RIT2: variants seen among roughly 807,000 people sequenced by gnomAD.
The protein encoded by RIT2 is GTP-binding protein Rit2.
RIT2 carries 24 observed loss-of-function variants against 23.7 expected under a neutral mutation model. The observed-to-expected ratio is 1.01, with a 90% CI of 0.73 to 1.43. The LOEUF is 1.43. RIT2 is among the 40% of genes most tolerant of loss of function. RIT2 has a pLI of 0.00. For missense variants in RIT2, 236 were observed against 266.9 expected, an observed-to-expected ratio of 0.88 and a Z score of 0.81; for synonymous variants, 107 against 91.1, an observed-to-expected ratio of 1.17 and a Z score of -0.99.
chr18:42,973,956 T>C (rs1910420594), intron 3 of RIT2, 118 bp downstream of exon 3: 2 of 625,338 alleles, frequency 3.2e-6, no homozygotes, highest in Non-Finnish European at 5.6e-6. Flanking sequence ...CTGATTGTTA[T>C]CACAAATTTG....
chr18:42,883,228 C>G (rs1412851308), intron 4 of RIT2, among the ~76,000 whole-genome samples: 1 of 151,980 alleles, frequency 6.6e-6, no homozygotes, highest in African/African-American at 2.4e-5. Flanking sequence ...AAATGCTGCA[C>G]AAAACACTAC....
At chr18:43,048,077 T>C (rs1000631574) in intron 1 of RIT2, among the ~76,000 whole-genome samples, 1 of 152,176 alleles carries the variant, frequency 6.6e-6, no homozygotes, top group Admixed American at 6.5e-5. Context: ...AAAGAAGGTA[T>C]ACTGTCACAA....
intron 4 of RIT2, among the ~76,000 whole-genome samples, chr18:42,764,922 A>G (rs1450608815): frequency 2.0e-5 from 3 of 152,242 alleles, no homozygotes; most frequent in African/African-American, 7.2e-5. Flanking sequence ...CTGATTTGAC[A>G]CATTTGAGAG....
intron 1 of RIT2, among the ~76,000 whole-genome samples, chr18:43,051,502 G>A (rs1912383866): frequency 6.6e-6 from 1 of 152,126 alleles, no homozygotes; most frequent in East Asian, 1.9e-4. Context: ...ATCCAGGAGA[G>A]GTTCACTTTT....
intron 2 of RIT2, among the ~76,000 whole-genome samples, chr18:43,015,307 G>A (rs567097160): frequency 1.3e-5 from 2 of 151,786 alleles, no homozygotes; most frequent in East Asian, 3.9e-4. Flanking sequence ...CAGTTTCAGA[G>A]CTTGAACTAC....
intron 4 of RIT2, among the ~76,000 whole-genome samples, chr18:42,813,179 A>G (rs1905900078): frequency 6.6e-6 from 1 of 152,224 alleles, no homozygotes; most frequent in Admixed American, 6.5e-5. Flanking sequence ...AGTTTTTACT[A>G]AAGTTTATTT....
At chr18:42,975,302 T>A (rs576798919) in intron 2 of RIT2, among the ~76,000 whole-genome samples, 73 of 152,262 alleles carry the variant, frequency 4.8e-4, no homozygotes, top group South Asian at 1.0e-3. Context: ...TTTTTAGTTC[T>A]ATTTATACAA....
intron 4 of RIT2, among the ~76,000 whole-genome samples, chr18:42,815,637 G>T (rs1437025761): frequency 6.6e-6 from 1 of 152,156 alleles, no homozygotes; most frequent in Non-Finnish European, 1.5e-5. Flanking sequence ...GGAGAAGAAT[G>T]AAACAAAGTA....
intron 4 of RIT2, among the ~76,000 whole-genome samples, chr18:42,902,590 T>C (rs1373945515): frequency 1.2e-5 from 1 of 86,932 alleles, no homozygotes; most frequent in East Asian, 3.5e-4. Context: ...TAAATAATAA[T>C]TTATTGGAAG....
At chr18:42,988,759 G>A (rs1057288787) in intron 2 of RIT2, among the ~76,000 whole-genome samples, 3 of 152,186 alleles carry the variant, frequency 2.0e-5, no homozygotes, top group Admixed American at 2.0e-4. Flanking sequence ...GGAATGATCA[G>A]CAGGAATGAT....
At chr18:43,087,328 T>A (rs1282429097) in intron 1 of RIT2, among the ~76,000 whole-genome samples, 1 of 152,094 alleles carries the variant, frequency 6.6e-6, no homozygotes, top group Non-Finnish European at 1.5e-5. Context: ...ATCTTAAAAA[T>A]AACCATAATA....
intron 4 of RIT2, among the ~76,000 whole-genome samples, chr18:42,859,626 CA>C (rs1244308100): frequency 6.6e-6 from 1 of 151,984 alleles, no homozygotes; most frequent in Non-Finnish European, 1.5e-5. Flanking sequence ...TCTGTGAGTT[CA>C]TTGCTTAATC....
intron 2 of RIT2, among the ~76,000 whole-genome samples, chr18:42,979,913 AT>A (rs1464393651): frequency 7.2e-5 from 11 of 152,144 alleles, no homozygotes; most frequent in Admixed American, 7.2e-4. Flanking sequence ...AAGGGTGCTT[AT>A]TTAGGGAGAT....
At chr18:42,987,635 C>A (rs1442042647) in intron 2 of RIT2, among the ~76,000 whole-genome samples, 1 of 152,074 alleles carries the variant, frequency 6.6e-6, no homozygotes. Context: ...TCATACCATC[C>A]CTAAATTAGA....
intron 4 of RIT2, among the ~76,000 whole-genome samples, chr18:42,820,274 T>C (rs1477911344): frequency 6.6e-6 from 1 of 151,960 alleles, no homozygotes; most frequent in Non-Finnish European, 1.5e-5. Flanking sequence ...CATCAGAAAC[T>C]ATTCTTGGAG....
chr18:42,867,516 G>GC (rs1907504882), intron 4 of RIT2, among the ~76,000 whole-genome samples: 1 of 151,988 alleles, frequency 6.6e-6, no homozygotes, highest in Non-Finnish European at 1.5e-5. Context: ...CTATTGGAAG[G>GC]GCATAGAGGC....
intron 4 of RIT2, among the ~76,000 whole-genome samples, chr18:42,886,231 AG>A (rs1908019179): frequency 6.6e-6 from 1 of 152,234 alleles, no homozygotes; most frequent in Non-Finnish European, 1.5e-5. Flanking sequence ...TCCTATCAAA[AG>A]CATCATAAAA....
intron 3 of RIT2, among the ~76,000 whole-genome samples, chr18:42,927,153 C>A (rs1240383057): frequency 6.6e-6 from 1 of 151,880 alleles, no homozygotes; most frequent in Non-Finnish European, 1.5e-5. Flanking sequence ...GCATGAAATC[C>A]TCTTTTAGCT....
intron 1 of RIT2, among the ~76,000 whole-genome samples, chr18:43,035,599 C>T (rs28667464): frequency 0.011 from 1,713 of 152,244 alleles, 48 homozygotes; most frequent in African/African-American, 0.039. Context: ...GTTTAGAGAG[C>T]ATCCCTTACC....
Sources: allele counts gnomAD v4.1 joint callset (sites outside exome capture counted in the v4.1 genomes callset), GRCh38; gene constraint gnomAD v4.1.1; transcripts MANE v1.5; gene names NCBI Gene and HGNC (gene_info 2026-07-23, HGNC 2026-07-21).